The following EDARADD variants were observed in gnomAD, a reference collection of about 807,000 sequenced individuals.
The protein encoded by EDARADD is EDAR associated via death domain.
In EDARADD, 20 loss-of-function variants were observed where a neutral mutation model predicts 25.6. That is an observed-to-expected ratio of 0.78 (90% CI 0.55 to 1.14). The LOEUF (loss-of-function observed/expected upper bound fraction) is 1.14. Ranked by LOEUF, EDARADD falls within the 50% of genes most tolerant of loss-of-function variation. The pLI is 0.00. For missense variants in EDARADD, 225 were observed against 270.1 expected, an observed-to-expected ratio of 0.83 and a Z score of 1.17; for synonymous variants, 86 against 94.4, an observed-to-expected ratio of 0.91 and a Z score of 0.52.
chr1:236,372,895 T>C (rs1297607253), intron 3 of EDARADD, among the ~76,000 whole-genome samples: 2 of 150,770 alleles, frequency 1.3e-5, no homozygotes, highest in Non-Finnish European at 2.9e-5. Flanking sequence ...CATGGGATCA[T>C]TGTGATGTCT....
intron 2 of EDARADD, among the ~76,000 whole-genome samples, chr1:236,413,637 G>A (rs1433324364): frequency 1.3e-5 from 2 of 152,090 alleles, no homozygotes; most frequent in South Asian, 2.1e-4. Context: ...TTTAGATATC[G>A]GCATGTAAGT....
Position 236,468,178 on chromosome 1 carries a change from T to C in EDARADD, c.220-53T>C. The C allele has an allele frequency of 2.6e-6, 4 of 1,546,000 alleles. 1 individual carries two copies. In the South Asian group the frequency reaches 3.3e-5, roughly 13 times the overall value. Reference sequence around the variant, plus strand: ...TAACTAAGTTGGAAGATTGATAATATCTCCATTCACATTTGGATATGATTT... The same window carrying C: ...TAACTAAGTTGGAAGATTGATAATACCTCCATTCACATTTGGATATGATTT... On this transcript the variant is annotated intron_variant, in intron 4 of 5. Transcript: ENST00000334232.
At chr1:236,411,599 T>G (rs1329030021) in intron 2 of EDARADD, among the ~76,000 whole-genome samples, 1 of 151,042 alleles carries the variant, frequency 6.6e-6, no homozygotes, top group African/African-American at 2.4e-5. Flanking sequence ...TGGAGTGCAA[T>G]ATGCAATGGC....
chr1:236,391,692 T>A (rs1256118096), upstream of EDARADD, among the ~76,000 whole-genome samples: 2 of 152,220 alleles, frequency 1.3e-5, no homozygotes, highest in Non-Finnish European at 2.9e-5. Flanking sequence ...CTGTAACACT[T>A]ACCTCAAATG....
chr1:236,367,082 G>A (rs1240409682), intron 3 of EDARADD, among the ~76,000 whole-genome samples: 4 of 54,820 alleles, frequency 7.3e-5, no homozygotes, highest in African/African-American at 2.9e-4. Context: ...AGACTCCATC[G>A]CCAAAAAAAA....
chr1:236,452,465 G>A lies in EDARADD; in HGVS notation c.220-15766G>A, dbSNP rs1425659867. 2.0e-5 allele frequency among the ~76,000 whole-genome samples: 3 copies of A among 151,546 alleles called. No individual in the cohort carries two copies. The East Asian group carries it at 5.8e-4, about 29-fold the overall frequency. On this transcript the variant is annotated intron_variant, in intron 4 of 5. Coordinates refer to ENST00000334232, the MANE Select transcript of EDARADD (RefSeq NM_145861.4). ...CTCACGACAGTGAGTGAGTTTGCACGAGATCTGATGGTTTAAAAGTGTGTG... is the reference window on the plus strand; with the variant it reads ...CTCACGACAGTGAGTGAGTTTGCACAAGATCTGATGGTTTAAAAGTGTGTG...
chr1:236,406,924 A>T (rs931867407), intron 1 of EDARADD, among the ~76,000 whole-genome samples: 2 of 152,224 alleles, frequency 1.3e-5, no homozygotes, highest in Non-Finnish European at 2.9e-5. Flanking sequence ...CTTGGGCAGT[A>T]AGAGTTCTGC....
In EDARADD at chr1:236,437,051, A is replaced by G. The variant is rs541067623; in HGVS notation, c.219+9601A>G. 7.9e-5 allele frequency among the ~76,000 whole-genome samples: 12 copies of G among 152,314 alleles called. 1 individual carries two copies. The highest frequency in any genetic ancestry group is 6.8e-3 in the Middle Eastern group (2 of 294). ...TCCAGATACAATGGTGAATACCTAG[A>G]GCTTACAGTCAAGTTTGGCATTGAA... On this transcript the variant is annotated intron_variant, in intron 4 of 5. Coordinates refer to ENST00000334232, the MANE Select transcript of EDARADD (RefSeq NM_145861.4).
At chr1:236,353,627 A>G (rs1004966472) in intron 3 of EDARADD, among the ~76,000 whole-genome samples, 1 of 149,986 alleles carries the variant, frequency 6.7e-6, no homozygotes, top group Admixed American at 6.7e-5. Flanking sequence ...GCAGTGAGCC[A>G]AGATCGCACA....
chr1:236,462,055 T>C (rs1013811542), intron 4 of EDARADD, among the ~76,000 whole-genome samples: 3 of 151,950 alleles, frequency 2.0e-5, no homozygotes, highest in Admixed American at 2.0e-4. Context: ...TGCAGGACAG[T>C]TGGTTTTTGG....
At chr1:236,415,792 G>C (rs978216965) in intron 3 of EDARADD, among the ~76,000 whole-genome samples, 2 of 152,132 alleles carry the variant, frequency 1.3e-5, no homozygotes, top group African/African-American at 4.8e-5. Context: ...TGTCACAGTG[G>C]GGCCTCTACC....
Position 236,395,280 on chromosome 1 carries a change from C to G in EDARADD, c.61+775C>G. The G allele has an allele frequency of 9.5e-7, 1 of 1,052,628 alleles. No individual in the cohort carries two copies. Among genetic ancestry groups the G allele is most frequent in the South Asian group, 2.1e-5 (1 of 47,952 alleles). The allele number at this position is 1,052,628 out of a possible 1,614,324, so 65.2% of individuals were successfully genotyped here. On this transcript the variant is annotated intron_variant, in intron 1 of 5. Transcript: ENST00000334232. The surrounding 1 kb of genome is among the most constrained non-coding windows in gnomAD (Gnocchi z 6.9). The stretch of plus-strand genomic sequence containing the variant: ...GGGGACGTGGGTACCGGGCAGGACG[C>G]GCGCTCTGGGCGCTGGGGACGCCCG...
At chr1:236,477,622 T>G (rs1659547563) in intron 5 of EDARADD, among the ~76,000 whole-genome samples, 1 of 151,598 alleles carries the variant, frequency 6.6e-6, no homozygotes. Context: ...CTAGGATGGG[T>G]AAAGTTCATT....
intron 3 of EDARADD, among the ~76,000 whole-genome samples, chr1:236,415,139 C>A (rs1370857178): frequency 6.6e-6 from 1 of 152,148 alleles, no homozygotes; most frequent in East Asian, 1.9e-4. Context: ...GTGATTGTGG[C>A]AGTTCAGGTC....
At chr1:236,349,929 T>C (rs1470954769) in intron 2 of EDARADD, among the ~76,000 whole-genome samples, 2 of 152,112 alleles carry the variant, frequency 1.3e-5, no homozygotes, top group African/African-American at 2.4e-5. Flanking sequence ...CTGGCCAACA[T>C]GGCGAAACCA....
rs541001114 is a variant in EDARADD at position 236,398,022 on chromosome 1, G to A, written c.61+3517G>A. Among the ~76,000 whole-genome samples the A allele has an allele frequency of 2.0e-5, 3 of 152,230 alleles. No homozygotes were observed. Among genetic ancestry groups the A allele is most frequent in the Admixed American group, 1.3e-4 (2 of 15,292 alleles). ...GCCTGATTTCCCACACTCTTCTCCC[G>A]CCTGGTGTTTTCACACCATTCCAAC... On this transcript the variant is annotated intron_variant, in intron 1 of 5. Transcript: ENST00000334232. The surrounding 1 kb of genome is among the most constrained non-coding windows in gnomAD (Gnocchi z 4.1).
In EDARADD at chr1:236,484,388, C is replaced by A; in HGVS notation, c.*1739C>A. ...GATCTGAGCGCTTGGCCAAGTACAA[C>A]CAGCTCCTCAGAATTGAAGAGGAGC... On this transcript the variant is annotated 3_prime_UTR_variant, in exon 6 of 6. Transcript: ENST00000334232. This position sits in a 1 kb window ranked among gnomAD's most constrained non-coding sequence, Gnocchi z 4.1. 1 of 1,604,468 alleles carries A rather than the reference C, an allele frequency of 6.2e-7. No homozygotes were observed. The highest frequency in any genetic ancestry group is 8.5e-7 in the Non-Finnish European group (1 of 1,172,234).
chr1:236,453,014 A>G (rs1253627), intron 4 of EDARADD, among the ~76,000 whole-genome samples: 104,500 of 152,066 alleles, frequency 0.69, 37,363 homozygotes, highest in East Asian at 0.81. Context: ...CCCCACTCCC[A>G]CATAAGGTTG....
intron 3 of EDARADD, among the ~76,000 whole-genome samples, chr1:236,423,334 C>T (rs920972466): frequency 6.6e-6 from 1 of 152,150 alleles, no homozygotes; most frequent in African/African-American, 2.4e-5. Flanking sequence ...TGGGTGGGAG[C>T]AGCCCTTAGT....
Sources: allele counts gnomAD v4.1 joint callset (sites outside exome capture counted in the v4.1 genomes callset), GRCh38; gene constraint gnomAD v4.1.1; non-coding constraint Gnocchi (gnomAD v3.1); transcripts MANE v1.5; gene names NCBI Gene and HGNC (gene_info 2026-07-23, HGNC 2026-07-21).